PHLPP1: variants seen among roughly 807,000 people sequenced by gnomAD.
PHLPP1 encodes the protein PH domain leucine-rich repeat-containing protein phosphatase 1.
A neutral mutation model predicts 117.2 loss-of-function variants in PHLPP1; 42 were observed. The ratio of observed to expected loss-of-function variants is 0.36; its 90% CI spans 0.28 to 0.46. The LOEUF is 0.46. Among genes scored for constraint, PHLPP1 ranks in the 20% least tolerant of loss-of-function variants. The pLI is 1.00. For synonymous variants in PHLPP1, 1,042 were observed against 970.7 expected (o/e 1.07, Z -1.37); for missense variants, 2,084 against 2,241.9 (o/e 0.93, Z 1.42).
intron 1 of PHLPP1, among the ~76,000 whole-genome samples, chr18:62,737,151 G>C (rs922109356): frequency 6.6e-6 from 1 of 152,168 alleles, no homozygotes; most frequent in African/African-American, 2.4e-5. Context: ...GAATCCTCTG[G>C]AAAGGATTCC....
intron 1 of PHLPP1, among the ~76,000 whole-genome samples, chr18:62,764,086 C>G (rs1384549112): frequency 6.6e-6 from 1 of 150,710 alleles, no homozygotes; most frequent in African/African-American, 2.4e-5. Context: ...TCGCTTGAAC[C>G]CGGCAGGCGG....
At chr18:62,871,944 C>T (rs546334602) in intron 4 of PHLPP1, among the ~76,000 whole-genome samples, 6 of 152,160 alleles carry the variant, frequency 3.9e-5, no homozygotes, top group Admixed American at 2.0e-4. Context: ...TGCACCTGGC[C>T]TAGCTCTTAT....
At chr18:62,804,347 A>G (rs1364982695) in intron 1 of PHLPP1, among the ~76,000 whole-genome samples, 2 of 151,846 alleles carry the variant, frequency 1.3e-5, no homozygotes, top group African/African-American at 4.8e-5. Flanking sequence ...GTCAAACCAT[A>G]TCGGGGGTGT....
chr18:62,751,711 A>G (rs1027884965), intron 1 of PHLPP1, among the ~76,000 whole-genome samples: 6 of 152,160 alleles, frequency 3.9e-5, no homozygotes, highest in African/African-American at 9.7e-5. Flanking sequence ...CACTGCAGGA[A>G]GTTCTCACAG....
At chr18:62,894,109 A>G (rs1177183032) in intron 4 of PHLPP1, among the ~76,000 whole-genome samples, 1 of 152,216 alleles carries the variant, frequency 6.6e-6, no homozygotes, top group Non-Finnish European at 1.5e-5. Flanking sequence ...AAAGGAAGGT[A>G]ATACATGAGA....
chr18:62,725,331 G>A (rs935402020), intron 1 of PHLPP1, among the ~76,000 whole-genome samples: 3 of 149,312 alleles, frequency 2.0e-5, no homozygotes, highest in South Asian at 2.1e-4. Context: ...CTGCATTCCC[G>A]TCTGGGTGGC....
At chr18:62,796,195 A>ATTAC (rs1395029056) in intron 1 of PHLPP1, among the ~76,000 whole-genome samples, 1 of 152,240 alleles carries the variant, frequency 6.6e-6, no homozygotes, top group Non-Finnish European at 1.5e-5. Context: ...CAAGTTTGTA[A>ATTAC]AACTCAGAAT....
At chr18:62,822,280 G>GTTTTTTTT (rs796719016) in intron 1 of PHLPP1, among the ~76,000 whole-genome samples, 10 of 95,998 alleles carry the variant, frequency 1.0e-4, no homozygotes, top group South Asian at 3.1e-4. Context: ...TTTTTTTTTT[G>GTTTTTTTT]TTTTTGTTTT....
intron 8 of PHLPP1, among the ~76,000 whole-genome samples, chr18:62,907,565 G>A (rs2144411804): frequency 7.0e-6 from 1 of 142,934 alleles, no homozygotes; most frequent in East Asian, 2.0e-4. Context: ...AGCAATGGAA[G>A]ATGAAATGAA....
At chr18:62,922,699 A>C (rs1909511715) in intron 10 of PHLPP1, among the ~76,000 whole-genome samples, 1 of 152,230 alleles carries the variant, frequency 6.6e-6, no homozygotes, top group Non-Finnish European at 1.5e-5. Flanking sequence ...GTAAGTTCAC[A>C]ACTATTAGAG....
At chr18:62,805,866 A>G (rs1913935168) in intron 1 of PHLPP1, among the ~76,000 whole-genome samples, 1 of 151,720 alleles carries the variant, frequency 6.6e-6, no homozygotes, top group African/African-American at 2.4e-5. Flanking sequence ...CCCCATGCAT[A>G]TAGATTGCCA....
chr18:62,906,226 C>A (rs1014572858), intron 8 of PHLPP1: 1 of 152,156 alleles, frequency 6.6e-6, no homozygotes, highest in African/African-American at 2.4e-5. Context: ...ATAATCTATT[C>A]AATCATAATT....
chr18:62,870,455 T>C (rs745331135), intron 4 of PHLPP1, among the ~76,000 whole-genome samples: 5 of 152,222 alleles, frequency 3.3e-5, no homozygotes, highest in Non-Finnish European at 5.9e-5. Context: ...CTTCGAAATA[T>C]GCCATATATT....
chr18:62,734,341 T>TA (rs1396575458), intron 1 of PHLPP1, among the ~76,000 whole-genome samples: 4 of 152,262 alleles, frequency 2.6e-5, no homozygotes, highest in Non-Finnish European at 4.4e-5. Context: ...AAGGAATTTT[T>TA]AAAAAAACCT....
At chr18:62,757,439 T>C (rs1413913497) in intron 1 of PHLPP1, among the ~76,000 whole-genome samples, 1 of 152,184 alleles carries the variant, frequency 6.6e-6, no homozygotes, top group Non-Finnish European at 1.5e-5. Context: ...TTGAAAAAGG[T>C]GTGTTTTAAT....
chr18:62,928,820 A>G (rs966621082), intron 10 of PHLPP1, among the ~76,000 whole-genome samples: 3 of 152,242 alleles, frequency 2.0e-5, no homozygotes, highest in African/African-American at 7.2e-5. Flanking sequence ...TCACCAGTAA[A>G]AGGTACTAGT....
intron 6 of PHLPP1, among the ~76,000 whole-genome samples, chr18:62,898,081 A>G (rs1336144804): frequency 1.1e-5 from 1 of 91,102 alleles, no homozygotes; most frequent in African/African-American, 2.8e-5. Context: ...CTTTCTATCC[A>G]TGTTTTCTGC....
chr18:62,898,575 A>G (rs1423547802), intron 6 of PHLPP1, among the ~76,000 whole-genome samples: 3 of 152,128 alleles, frequency 2.0e-5, no homozygotes, highest in African/African-American at 7.2e-5. Context: ...TATGTGAGTC[A>G]TTTGAGGATG....
At chr18:62,739,867 A>G (rs931403467) in intron 1 of PHLPP1, among the ~76,000 whole-genome samples, 2 of 152,180 alleles carry the variant, frequency 1.3e-5, no homozygotes, top group Non-Finnish European at 2.9e-5. Context: ...TTATTGTAAT[A>G]TGCTTTTTCT....
Sources: allele counts gnomAD v4.1 joint callset (sites outside exome capture counted in the v4.1 genomes callset), GRCh38; gene constraint gnomAD v4.1.1; transcripts MANE v1.5; gene names NCBI Gene and HGNC (gene_info 2026-07-23, HGNC 2026-07-21).